The following ITGA9 variants were observed in gnomAD, a reference collection of about 807,000 sequenced individuals.
ITGA9 encodes integrin alpha-9.
ITGA9 carries 56 observed loss-of-function variants against 127.8 expected under a neutral mutation model. The observed-to-expected ratio is 0.44, with a 90% CI of 0.35 to 0.55. The LOEUF is 0.55. Ranked by LOEUF, ITGA9 falls within the 20% of genes least tolerant of loss-of-function variation. ITGA9 has a pLI of 0.00. For missense variants in ITGA9, 1,196 were observed against 1,347.1 expected, an observed-to-expected ratio of 0.89 and a Z score of 1.76; for synonymous variants, 508 against 514.5, an observed-to-expected ratio of 0.99 and a Z score of 0.17.
chr3:37,790,209 C>T, intron 26 of ITGA9: 9 of 563,384 alleles, frequency 1.6e-5, no homozygotes, highest in South Asian at 7.0e-5. Flanking sequence ...CTTTTACCTG[C>T]GCGGAAGACA....
chr3:37,479,007 C>G (rs1296018178), intron 3 of ITGA9, among the ~76,000 whole-genome samples: 1 of 152,172 alleles, frequency 6.6e-6, no homozygotes, highest in East Asian at 1.9e-4. Flanking sequence ...TGATAAACAT[C>G]CGCCTCTTTT....
At chr3:37,769,983 A>C (rs527453914) in intron 23 of ITGA9, among the ~76,000 whole-genome samples, 62 of 152,240 alleles carry the variant, frequency 4.1e-4, no homozygotes, top group African/African-American at 1.5e-3. Context: ...GGGATTTTCG[A>C]GATGTGCTTC....
At chr3:37,549,081 G>A (rs940652309) in intron 15 of ITGA9, among the ~76,000 whole-genome samples, 3 of 152,220 alleles carry the variant, frequency 2.0e-5, no homozygotes, top group African/African-American at 7.2e-5. Context: ...GACCACGCTG[G>A]AAGTCAGCTC....
rs553749013 is a variant in ITGA9 at position 37,725,523 on chromosome 3, A to T, written c.2068-7189A>T. On this transcript the variant is annotated intron_variant, in intron 18 of 27. Transcript: ENST00000264741. ...AAGGAAGTTAAGATTGAAGGAGAAC[A>T]TGCAGAGGAGCTTTGGGAAGGAATG... 4.6e-5 allele frequency among the ~76,000 whole-genome samples: 7 copies of T among 152,324 alleles called. No homozygotes were observed. The South Asian group carries it at 1.5e-3, about 32-fold the overall frequency.
In ITGA9 at chr3:37,517,510, C is replaced by G; in HGVS notation, c.1042C>G (p.Leu348Val). The G allele has an allele frequency of 2.5e-6, 4 of 1,589,162 alleles. No individual in the cohort carries two copies. Among genetic ancestry groups the G allele is most frequent in the Non-Finnish European group, 3.4e-6 (4 of 1,166,916 alleles). The change falls in exon 10 of 28, where the codon CTC (leucine) becomes GTC (valine). Residue 348 changes from leucine to valine, a missense_variant. Coordinates refer to ENST00000264741, the MANE Select transcript of ITGA9 (RefSeq NM_002207.3). ...TVYINRGNGALEEQLALTGDG... is the reference protein window; with the variant it reads ...TVYINRGNGAVEEQLALTGDG... ...CCTCCATCCTGTTTCCCAGGGAGCC[C>G]TCGAGGAGCAGCTGGCTCTGACTGG...
intron 23 of ITGA9, among the ~76,000 whole-genome samples, chr3:37,762,490 C>A (rs975566231): frequency 6.6e-6 from 1 of 152,118 alleles, no homozygotes; most frequent in African/African-American, 2.4e-5. Flanking sequence ...GTAGATGAAG[C>A]CTTCCAGGTC....
chr3:37,779,863 CT>C, intron 24 of ITGA9, 38 bp from the exon 25 acceptor site: 1 of 1,610,612 alleles, frequency 6.2e-7, no homozygotes, highest in African/African-American at 1.3e-5. Flanking sequence ...TGTCTTTGTT[CT>C]TAATTCCATT....
At chr3:37,598,148 A>G (rs2125619065) in intron 15 of ITGA9, among the ~76,000 whole-genome samples, 1 of 152,366 alleles carries the variant, frequency 6.6e-6, no homozygotes, top group East Asian at 1.9e-4. Flanking sequence ...ACATAAGAGT[A>G]ATAACATCTC....
intron 18 of ITGA9, among the ~76,000 whole-genome samples, chr3:37,718,202 G>A (rs766755908): frequency 1.3e-5 from 2 of 152,236 alleles, no homozygotes; most frequent in African/African-American, 2.4e-5. Context: ...GAAAACATAC[G>A]TGTCTCACAC....
chr3:37,493,727 T>C (rs1162065005), intron 4 of ITGA9, among the ~76,000 whole-genome samples: 1 of 152,172 alleles, frequency 6.6e-6, no homozygotes, highest in African/African-American at 2.4e-5. Flanking sequence ...CAAGTGGGGA[T>C]ATGGGTTCCC....
intron 1 of ITGA9, among the ~76,000 whole-genome samples, chr3:37,463,097 G>A (rs1396666708): frequency 1.3e-5 from 2 of 152,206 alleles, no homozygotes; most frequent in Non-Finnish European, 2.9e-5. Context: ...AGGAGACCAG[G>A]TAGCTAGAGG....
intron 15 of ITGA9, among the ~76,000 whole-genome samples, chr3:37,591,974 G>A (rs945311979): frequency 6.6e-6 from 1 of 152,204 alleles, no homozygotes; most frequent in Non-Finnish European, 1.5e-5. Flanking sequence ...AATATATAGA[G>A]TGGGTTTTGG....
intron 26 of ITGA9, among the ~76,000 whole-genome samples, chr3:37,787,625 G>C (rs927887790): frequency 6.6e-5 from 10 of 150,938 alleles, no homozygotes; most frequent in African/African-American, 2.4e-4. Flanking sequence ...CAATTTTCCT[G>C]GCAGGAAAAA....
intron 26 of ITGA9, among the ~76,000 whole-genome samples, chr3:37,800,741 A>G (rs1026773184): frequency 6.6e-6 from 1 of 152,206 alleles, no homozygotes; most frequent in African/African-American, 2.4e-5. Flanking sequence ...CCAAGCTGGA[A>G]ATAATCTCCA....
chr3:37,584,695 C>A, intron 15 of ITGA9, among the ~76,000 whole-genome samples: 2 of 152,120 alleles, frequency 1.3e-5, no homozygotes, highest in Middle Eastern at 6.8e-3. Context: ...ACGGAGGTTG[C>A]AGTGAGCCAA....
chr3:37,615,154 C>A lies in ITGA9; in HGVS notation c.1690-14033C>A, dbSNP rs1263077492. Among the ~76,000 whole-genome samples the A allele has an allele frequency of 3.3e-5, 5 of 152,094 alleles. No individual in the cohort carries two copies. The South Asian group carries it at 1.0e-3, about 32-fold the overall frequency. The stretch of plus-strand genomic sequence containing the variant: ...AGATAGGTCCCATCAATACCTAATC[C>A]ATTGAGAGTTTTTAGCATGAAGCAT... On this transcript the variant is annotated intron_variant, in intron 15 of 27. Coordinates refer to ENST00000264741, the MANE Select transcript of ITGA9 (RefSeq NM_002207.3).
chr3:37,678,744 G>A (rs1182125755), intron 17 of ITGA9, among the ~76,000 whole-genome samples: 1 of 152,190 alleles, frequency 6.6e-6, no homozygotes, highest in East Asian at 1.9e-4. Flanking sequence ...GGATAGAAGA[G>A]GAAATTTTTG....
intron 3 of ITGA9, among the ~76,000 whole-genome samples, chr3:37,479,283 G>A (rs1156925152): frequency 6.6e-6 from 1 of 152,186 alleles, no homozygotes; most frequent in Non-Finnish European, 1.5e-5. Context: ...TTAGAAACCT[G>A]CTATTTTAGC....
chr3:37,704,909 T>G (rs1700987555), intron 18 of ITGA9, among the ~76,000 whole-genome samples: 2 of 152,248 alleles, frequency 1.3e-5, no homozygotes, highest in African/African-American at 4.8e-5. Flanking sequence ...TGTTTTATTT[T>G]AAGTCAAAAG....
Sources: allele counts gnomAD v4.1 joint callset (sites outside exome capture counted in the v4.1 genomes callset), GRCh38; gene constraint gnomAD v4.1.1; transcripts MANE v1.5; gene names NCBI Gene and HGNC (gene_info 2026-07-23, HGNC 2026-07-21).